TPD52L2: variants seen among roughly 807,000 people sequenced by gnomAD.
TPD52L2 encodes tumor protein D54.
TPD52L2 carries 19 observed loss-of-function variants against 24.7 expected under a neutral mutation model. That is an observed-to-expected ratio of 0.77 (90% CI 0.54 to 1.13). The LOEUF (loss-of-function observed/expected upper bound fraction) is 1.13, where lower values mean the gene tolerates loss of function less well. Among genes scored for constraint, TPD52L2 ranks in the 50% most tolerant of loss-of-function variants. TPD52L2 has a pLI of 0.00. For missense variants in TPD52L2, 236 were observed against 250.4 expected (o/e 0.94, Z 0.39); for synonymous variants, 104 against 100.2 (o/e 1.04, Z -0.23).
chr20:63,878,591 T>C (rs574259477), intron 4 of TPD52L2, among the ~76,000 whole-genome samples: 3 of 152,266 alleles, frequency 2.0e-5, no homozygotes, highest in Admixed American at 1.3e-4. Flanking sequence ...CCTGGACTAA[T>C]GGCTGCGGCC....
chr20:63,881,252 T>G (rs1348759872), intron 4 of TPD52L2, among the ~76,000 whole-genome samples: 1 of 152,054 alleles, frequency 6.6e-6, no homozygotes, highest in African/African-American at 2.4e-5. Context: ...TCCCAGCTAC[T>G]TGGGACGCTG....
intron 1 of TPD52L2, among the ~76,000 whole-genome samples, chr20:63,867,504 T>G (rs1432996365): frequency 1.3e-5 from 2 of 151,830 alleles, no homozygotes; most frequent in African/African-American, 2.4e-5. Flanking sequence ...AGGTGGAGGT[T>G]GCAGTGAGCG....
intron 2 of TPD52L2, among the ~76,000 whole-genome samples, chr20:63,871,498 C>T (rs566140233): frequency 2.7e-5 from 4 of 147,420 alleles, no homozygotes; most frequent in African/African-American, 5.0e-5. Flanking sequence ...TACAGGCGCA[C>T]AGCACCATGC....
chr20:63,873,008 C>G (rs183491101), intron 2 of TPD52L2, among the ~76,000 whole-genome samples: 1 of 151,392 alleles, frequency 6.6e-6, no homozygotes, highest in Non-Finnish European at 1.5e-5. Context: ...CCACTGCGCC[C>G]GGCCGGTCTT....
intron 1 of TPD52L2, among the ~76,000 whole-genome samples, chr20:63,867,622 G>A (rs994659304): frequency 3.3e-5 from 5 of 152,140 alleles, no homozygotes; most frequent in South Asian, 4.1e-4. Flanking sequence ...TTTAGTAAGC[G>A]TTTGTGGAGC....
At chr20:63,883,529 G>A (rs931759232) in intron 5 of TPD52L2, among the ~76,000 whole-genome samples, 8 of 152,182 alleles carry the variant, frequency 5.3e-5, no homozygotes, top group African/African-American at 1.9e-4. Flanking sequence ...TTTCACAGGG[G>A]TTGTAGGAGT....
intron 5 of TPD52L2, chr20:63,886,975 G>T (rs1255273724): frequency 6.1e-6 from 1 of 165,148 alleles, no homozygotes; most frequent in African/African-American, 2.4e-5. Flanking sequence ...GGAGGGCTGT[G>T]CCGACTCTCA....
chr20:63,868,932 C>T (rs982147127), intron 1 of TPD52L2, among the ~76,000 whole-genome samples: 1 of 151,728 alleles, frequency 6.6e-6, no homozygotes, highest in African/African-American at 2.4e-5. Context: ...CAGAGTGAGA[C>T]TCCATCAAAA....
At chr20:63,887,165 G>T in intron 5 of TPD52L2, 1 of 325,610 alleles carries the variant, frequency 3.1e-6, no homozygotes, top group Non-Finnish European at 5.9e-6. Context: ...GGAACCGGGA[G>T]GTCTAGAGCC....
At chr20:63,881,285 C>T (rs530199526) in intron 4 of TPD52L2, among the ~76,000 whole-genome samples, 46 of 151,814 alleles carry the variant, frequency 3.0e-4, no homozygotes, top group African/African-American at 1.0e-3. Flanking sequence ...CTCTTGAACC[C>T]GGAGGCGGAG....
In TPD52L2 at chr20:63,877,597, A is replaced by G. The variant is rs2052735967; in HGVS notation, c.374+1722A>G. On this transcript the variant is annotated intron_variant, in intron 4 of 6. Transcript: ENST00000346249. The surrounding 1 kb of genome is among the most constrained non-coding windows in gnomAD (Gnocchi z 4.1). ...TGGGCATCAGGCGGACGCACAGTGC[A>G]GACTCAGTCTGAAAATAGTCTTAGG... 6.6e-6 allele frequency among the ~76,000 whole-genome samples: 1 copy of G among 152,270 alleles called. No homozygotes were observed.
chr20:63,888,465 G>A (rs1466997675), intron 5 of TPD52L2: 6 of 146,418 alleles, frequency 4.1e-5, no homozygotes, highest in African/African-American at 1.3e-4. Flanking sequence ...ACCTCAGTAC[G>A]AGAGCCCAGG....
chr20:63,866,109 TTTC>T (rs1176701934), intron 1 of TPD52L2, among the ~76,000 whole-genome samples: 4 of 152,212 alleles, frequency 2.6e-5, no homozygotes, highest in Non-Finnish European at 4.4e-5. Context: ...TCTTTCTTTC[TTTC>T]TTTATTTTTT....
At chr20:63,872,861 G>C (rs1037836298) in intron 2 of TPD52L2, among the ~76,000 whole-genome samples, 6 of 152,188 alleles carry the variant, frequency 3.9e-5, no homozygotes, top group Admixed American at 3.9e-4. Context: ...CCGCCACCGT[G>C]CCTGGCTAAT....
intron 5 of TPD52L2, chr20:63,887,460 G>A (rs1403913084): frequency 2.4e-6 from 3 of 1,244,198 alleles, no homozygotes; most frequent in Non-Finnish European, 3.5e-6. Flanking sequence ...ACTGCTGGGA[G>A]TGGGGGAATC....
intron 5 of TPD52L2, chr20:63,886,140 C>T (rs1250525278): frequency 2.4e-6 from 3 of 1,234,270 alleles, no homozygotes; most frequent in East Asian, 2.3e-5. Context: ...TAGTAGAGGG[C>T]AGTGAAAGTG....
At chr20:63,889,815 C>T in intron 6 of TPD52L2, 35 bp from the exon 7 acceptor site, 2 of 1,601,432 alleles carry the variant, frequency 1.2e-6, no homozygotes, top group Non-Finnish European at 1.7e-6. Context: ...TGCTCTGTCT[C>T]AGGTTTTTCT....
At chr20:63,868,314 T>C (rs1199189260) in intron 1 of TPD52L2, among the ~76,000 whole-genome samples, 2 of 152,252 alleles carry the variant, frequency 1.3e-5, no homozygotes, top group African/African-American at 4.8e-5. Flanking sequence ...TTTTTCTTTA[T>C]GTGAAATCTT....
intron 5 of TPD52L2, among the ~76,000 whole-genome samples, chr20:63,886,421 C>T (rs1042367887): frequency 1.4e-4 from 21 of 151,488 alleles, no homozygotes; most frequent in East Asian, 1.4e-3. Context: ...AGTGCCGTGG[C>T]GCGATCTCGG....
Sources: gnomAD v4.1 joint callset for allele counts (sites outside exome capture counted in the v4.1 genomes callset) on GRCh38, gnomAD v4.1.1 for gene constraint, Gnocchi (gnomAD v3.1) non-coding constraint, MANE v1.5 for transcripts, NCBI Gene and HGNC (gene_info 2026-07-23, HGNC 2026-07-21) for gene names.